ANK3: variants seen among roughly 807,000 people sequenced by gnomAD.
ANK3 encodes the protein ankyrin-3.
ANK3 carries 57 observed loss-of-function variants against 370.9 expected under a neutral mutation model. The observed-to-expected ratio is 0.15, with a 90% CI of 0.12 to 0.19. ANK3 has a LOEUF of 0.19. Among genes scored for constraint, ANK3 ranks in the 10% least tolerant of loss-of-function variants. The pLI, the probability that ANK3 is intolerant of heterozygous loss-of-function variation, is 1.00. For synonymous variants in ANK3, 1,929 were observed against 1,946.3 expected (o/e 0.99, Z 0.23); for missense variants, 4,439 against 5,302.1 (o/e 0.84, Z 5.06).
intron 1 of ANK3, among the ~76,000 whole-genome samples, chr10:60,650,568 T>G (rs897909645): frequency 4.6e-5 from 7 of 152,176 alleles, no homozygotes; most frequent in Non-Finnish European, 8.8e-5. Context: ...TATGCATAAT[T>G]GTGACAATCC....
intron 2 of ANK3, among the ~76,000 whole-genome samples, chr10:60,416,320 A>G (rs2063667948): frequency 6.6e-6 from 1 of 152,234 alleles, no homozygotes; most frequent in Non-Finnish European, 1.5e-5. Context: ...ACATGGAACC[A>G]CACAGATGAC....
chr10:60,674,324 T>G (rs2133384285), intron 1 of ANK3, among the ~76,000 whole-genome samples: 1 of 152,232 alleles, frequency 6.6e-6, no homozygotes, highest in Middle Eastern at 3.4e-3. Context: ...TTCTGCAGGC[T>G]GTACAGGAAG....
At chr10:60,378,481 C>T (rs1229967452) in intron 1 of ANK3, among the ~76,000 whole-genome samples, 2 of 150,362 alleles carry the variant, frequency 1.3e-5, no homozygotes, top group East Asian at 1.9e-4. Flanking sequence ...CAGCATGATA[C>T]TGGCATAAAA....
intron 2 of ANK3, among the ~76,000 whole-genome samples, chr10:60,550,763 T>G (rs2077071273): frequency 6.6e-6 from 1 of 152,130 alleles, no homozygotes; most frequent in South Asian, 2.1e-4. Context: ...GAGAAGTCAT[T>G]GCTATAATGA....
chr10:60,088,090 C>T, intron 29 of ANK3, 57 bp downstream of exon 29: 1 of 1,391,976 alleles, frequency 7.2e-7, no homozygotes, highest in Non-Finnish European at 1.0e-6. Flanking sequence ...CAGAGCAAAA[C>T]ATGCACTCAC....
At chr10:60,663,753 G>A (rs1324667370) in intron 1 of ANK3, among the ~76,000 whole-genome samples, 1 of 152,124 alleles carries the variant, frequency 6.6e-6, no homozygotes, top group Admixed American at 6.6e-5. Flanking sequence ...ATCTTTAGTA[G>A]GTAGCACATT....
At chr10:60,323,915 A>C (rs887180741) in intron 1 of ANK3, among the ~76,000 whole-genome samples, 1 of 152,198 alleles carries the variant, frequency 6.6e-6, no homozygotes, top group Non-Finnish European at 1.5e-5. Context: ...TTTGTGGTAG[A>C]GAGGCCACCT....
chr10:60,086,519 A>G, intron 30 of ANK3, 158 bp downstream of exon 30: 1 of 581,564 alleles, frequency 1.7e-6, no homozygotes, highest in Non-Finnish European at 2.8e-6. Context: ...TTGGGAAACC[A>G]GAGATGAGGT....
Position 60,082,675 on chromosome 10 carries a change from T to G in ANK3, c.4263A>C (p.Thr1421=), listed in dbSNP as rs755663044. The G allele has an allele frequency of 6.8e-6, 11 of 1,614,020 alleles. No homozygotes were observed. In the East Asian group the frequency reaches 1.8e-4, roughly 26 times the overall value. The change falls in exon 34 of 44, where the codon ACA becomes ACC. Residue 1421 remains threonine, a synonymous_variant. Transcript: ENST00000280772. Reference sequence around the variant, plus strand: ...AAACCGCTGTTTGAGGCAGTCCTTTTGTTGTCTTTGGTTCTTTCAGAAAAG... The same window carrying G: ...AAACCGCTGTTTGAGGCAGTCCTTTGGTTGTCTTTGGTTCTTTCAGAAAAG... ...RLSFLKEPKT[T]KGLPQTAVCN...
chr10:60,572,852 C>T (rs998495710), intron 2 of ANK3: 1 of 1,075,090 alleles, frequency 9.3e-7, no homozygotes, highest in African/African-American at 1.7e-5. Flanking sequence ...GACTTTGTTG[C>T]TTGTTCCTCC....
intron 28 of ANK3, among the ~76,000 whole-genome samples, chr10:60,091,203 G>A (rs892732787): frequency 6.6e-6 from 1 of 152,230 alleles, no homozygotes; most frequent in African/African-American, 2.4e-5. Flanking sequence ...ACAGCACCCG[G>A]CAGCATTGCT....
intron 1 of ANK3, among the ~76,000 whole-genome samples, chr10:60,725,610 G>GCTTTT (rs1490225693): frequency 6.6e-6 from 1 of 152,068 alleles, no homozygotes; most frequent in African/African-American, 2.4e-5. Context: ...TCAGAACCTT[G>GCTTTT]CTTTTCTTTT....
intron 1 of ANK3, among the ~76,000 whole-genome samples, chr10:60,343,357 T>C (rs1186085282): frequency 6.6e-6 from 1 of 152,168 alleles, no homozygotes; most frequent in African/African-American, 2.4e-5. Flanking sequence ...TGGATATCCA[T>C]TTATTTTACA....
intron 1 of ANK3, among the ~76,000 whole-genome samples, chr10:60,641,386 C>T (rs2078630239): frequency 6.6e-6 from 1 of 152,150 alleles, no homozygotes; most frequent in African/African-American, 2.4e-5. Context: ...AACTGTACTA[C>T]AAGGCTACAG....
chr10:60,360,365 T>A (rs557226778), intron 1 of ANK3, among the ~76,000 whole-genome samples: 5 of 152,344 alleles, frequency 3.3e-5, no homozygotes, highest in Admixed American at 1.3e-4. Context: ...ATTTTGTTTT[T>A]AATAAAGTTG....
chr10:60,195,388 CAAAAA>C (rs1320105561), intron 16 of ANK3, among the ~76,000 whole-genome samples: 1 of 71,768 alleles, frequency 1.4e-5, no homozygotes. Context: ...CGTCTCCCTC[CAAAAA>C]AAAAAAAAAA....
rs570911693 is a variant in ANK3, at chr10:60,722,861, A to G, written c.57+10402T>C. Reference sequence around the variant, plus strand: ...ATATGCCTGTCTTTGCCTTCCAGCAAAATTGGAAGCTTCCTGATGCCTTAG... The same window carrying G: ...ATATGCCTGTCTTTGCCTTCCAGCAGAATTGGAAGCTTCCTGATGCCTTAG... On this transcript the variant is annotated intron_variant, in intron 1 of 43. Transcript: ENST00000373827. Among the ~76,000 whole-genome samples the G allele has an allele frequency of 1.4e-4, 21 of 152,224 alleles. No individual in the cohort carries two copies. The South Asian group carries it at 4.2e-3, about 30-fold the overall frequency.
Position 60,026,332 on chromosome 10 carries a change from A to G in ANK3, c.*3514T>C, listed in dbSNP as rs1040151549. The G allele has an allele frequency of 2.0e-5, 3 of 152,218 alleles. No homozygotes were observed. The highest frequency in any genetic ancestry group is 2.9e-5 in the Non-Finnish European group (2 of 68,034). The allele number at this position is 152,218 out of a possible 1,614,324, so 9.4% of individuals were successfully genotyped here. The stretch of plus-strand genomic sequence containing the variant: ...CAATCTTGTAAATGTTTACTTCTGG[A>G]CAATTTGATCAATTCATGAAACAGA... On this transcript the variant is annotated 3_prime_UTR_variant, in exon 44 of 44. Transcript: ENST00000280772.
At chr10:60,573,563 G>A (rs2077643690) in intron 2 of ANK3, among the ~76,000 whole-genome samples, 1 of 152,124 alleles carries the variant, frequency 6.6e-6, no homozygotes, top group African/African-American at 2.4e-5. Context: ...ACGCCATCCT[G>A]AGCCCCAGGA....
Sources: gnomAD v4.1 joint callset for allele counts (sites outside exome capture counted in the v4.1 genomes callset) on GRCh38, gnomAD v4.1.1 for gene constraint, MANE v1.5 for transcripts, NCBI Gene and HGNC (gene_info 2026-07-23, HGNC 2026-07-21) for gene names.